SUGCT: variants seen among roughly 807,000 people sequenced by gnomAD.
The protein encoded by SUGCT is succinyl-CoA:glutarate CoA-transferase.
SUGCT carries 41 observed loss-of-function variants against 55.0 expected under a neutral mutation model. That is an observed-to-expected ratio of 0.74 (90% CI 0.58 to 0.97). The LOEUF (loss-of-function observed/expected upper bound fraction) is 0.97, where lower values mean the gene tolerates loss of function less well. SUGCT is among the 50% of genes least tolerant of loss of function. SUGCT has a pLI of 0.00. For missense variants in SUGCT, 568 were observed against 547.8 expected (o/e 1.04, Z -0.37); for synonymous variants, 187 against 200.4 (o/e 0.93, Z 0.56).
intron 13 of SUGCT, among the ~76,000 whole-genome samples, chr7:40,804,425 C>A (rs1343502938): frequency 6.6e-6 from 1 of 152,032 alleles, no homozygotes; most frequent in African/African-American, 2.4e-5. Flanking sequence ...TAATAAATAT[C>A]TCTTAGATAA....
chr7:40,900,776 G>A, the SUGCT span, among the ~76,000 whole-genome samples: 1 of 152,254 alleles, frequency 6.6e-6, no homozygotes, highest in African/African-American at 2.4e-5. Context: ...AGTAAGGACT[G>A]CTGGGCTGCA....
chr7:40,668,197 A>G (rs978217855), intron 12 of SUGCT, among the ~76,000 whole-genome samples: 1 of 152,178 alleles, frequency 6.6e-6, no homozygotes, highest in African/African-American at 2.4e-5. Flanking sequence ...GTCCTTTCAC[A>G]TCTTAGAATG....
intron 9 of SUGCT, among the ~76,000 whole-genome samples, chr7:40,344,037 A>T (rs945561724): frequency 6.6e-6 from 1 of 152,186 alleles, no homozygotes; most frequent in African/African-American, 2.4e-5. Context: ...GATATTCAAC[A>T]TACTTTTGTA....
chr7:40,812,038 A>G (rs1398835362), intron 13 of SUGCT, among the ~76,000 whole-genome samples: 5 of 152,044 alleles, frequency 3.3e-5, no homozygotes, highest in South Asian at 2.1e-4. Flanking sequence ...TTTTGATTTT[A>G]TGTTTATGTG....
chr7:40,247,692 T>C (rs140731588), intron 7 of SUGCT, among the ~76,000 whole-genome samples: 2 of 152,342 alleles, frequency 1.3e-5, no homozygotes, highest in East Asian at 3.9e-4. Context: ...AACTATAGGT[T>C]CCGGCCTTTC....
intron 12 of SUGCT, among the ~76,000 whole-genome samples, chr7:40,534,715 G>A (rs1001036816): frequency 1.3e-5 from 2 of 152,190 alleles, no homozygotes; most frequent in East Asian, 3.9e-4. Context: ...CACTGCGCCC[G>A]GCCTAAAATT....
At chr7:40,805,610 G>C (rs1239646355) in intron 13 of SUGCT, among the ~76,000 whole-genome samples, 1 of 152,186 alleles carries the variant, frequency 6.6e-6, no homozygotes, top group East Asian at 1.9e-4. Flanking sequence ...AGCATTTGCT[G>C]TTTCACTGTC....
the SUGCT span, among the ~76,000 whole-genome samples, chr7:40,946,004 C>G: frequency 6.6e-6 from 1 of 152,030 alleles, no homozygotes; most frequent in Non-Finnish European, 1.5e-5. Flanking sequence ...AGAGTGTTGG[C>G]TTTTTCAAAT....
chr7:40,320,513 G>C (rs1352038864), intron 9 of SUGCT, among the ~76,000 whole-genome samples: 1 of 152,180 alleles, frequency 6.6e-6, no homozygotes, highest in Non-Finnish European at 1.5e-5. Context: ...TCTCCAAAAA[G>C]AATATATTTT....
intron 7 of SUGCT, among the ~76,000 whole-genome samples, chr7:40,253,471 G>T (rs950129344): frequency 1.3e-5 from 2 of 152,196 alleles, no homozygotes; most frequent in Non-Finnish European, 2.9e-5. Context: ...CTTTATGAAG[G>T]CACGGACTGG....
intron 11 of SUGCT, among the ~76,000 whole-genome samples, chr7:40,492,137 A>G (rs2151510690): frequency 6.6e-6 from 1 of 152,278 alleles, no homozygotes. Flanking sequence ...GGATTTGACA[A>G]ATGATCACTG....
intron 9 of SUGCT, among the ~76,000 whole-genome samples, chr7:40,414,829 G>C (rs1275558036): frequency 6.6e-6 from 1 of 152,034 alleles, no homozygotes; most frequent in South Asian, 2.1e-4. Context: ...AATCACCTGA[G>C]GTCAAGAGTT....
the SUGCT span, among the ~76,000 whole-genome samples, chr7:40,949,996 GT>G: frequency 1.3e-5 from 2 of 152,190 alleles, no homozygotes; most frequent in South Asian, 4.1e-4. Flanking sequence ...TGTGAAGAAA[GT>G]AATTGGTAGC....
chr7:40,244,073 T>TGA (rs553627179), intron 7 of SUGCT, among the ~76,000 whole-genome samples: 35 of 152,332 alleles, frequency 2.3e-4, no homozygotes, highest in African/African-American at 8.2e-4. Flanking sequence ...CTTGGGAGGC[T>TGA]GAGGCAAGAG....
chr7:40,145,174 T>G (rs1432099761), intron 1 of SUGCT, among the ~76,000 whole-genome samples: 2 of 152,202 alleles, frequency 1.3e-5, no homozygotes, highest in African/African-American at 4.8e-5. Context: ...ACAAAAAATT[T>G]TTTTAACCTT....
At chr7:40,890,893 G>A in the SUGCT span, among the ~76,000 whole-genome samples, 713 of 152,224 alleles carry the variant, frequency 4.7e-3, 7 homozygotes, top group African/African-American at 0.016. Context: ...AGATACAAAT[G>A]AATACTGATG....
In SUGCT at chr7:40,860,762, A is replaced by AT. The variant is rs1412128409; in HGVS notation, c.*283_*284insT. On this transcript the variant is annotated 3_prime_UTR_variant, in exon 14 of 14. Transcript: ENST00000335693. Reference sequence around the variant, plus strand: ...AAAGTTTTAATTTTTTTCCTGGAAAAATGCACTCCTTATTCTACTTACATT... The same window carrying AT: ...AAAGTTTTAATTTTTTTCCTGGAAAATATGCACTCCTTATTCTACTTACATT... 7.5e-6 allele frequency: 2 copies of AT among 266,652 alleles called. No individual in the cohort carries two copies. Among genetic ancestry groups the AT allele is most frequent in the African/African-American group, 4.4e-5 (2 of 45,438 alleles). The allele number at this position is 266,652 out of a possible 1,614,324, so 16.5% of individuals were successfully genotyped here. A position where few individuals can be genotyped will look rare whatever the true frequency, so the allele number is the denominator to read the frequency against.
chr7:40,370,715 G>A (rs1003769998), intron 9 of SUGCT, among the ~76,000 whole-genome samples: 1 of 151,582 alleles, frequency 6.6e-6, no homozygotes, highest in African/African-American at 2.4e-5. Flanking sequence ...AGATTTGGGA[G>A]GATTTCCTTT....
intron 8 of SUGCT, among the ~76,000 whole-genome samples, chr7:40,282,534 A>T (rs1386687333): frequency 3.3e-5 from 5 of 152,072 alleles, no homozygotes; most frequent in African/African-American, 1.2e-4. Flanking sequence ...CCAACTGGAT[A>T]TTCAGATGCA....
Sources: gnomAD v4.1 joint callset for allele counts (sites outside exome capture counted in the v4.1 genomes callset) on GRCh38, gnomAD v4.1.1 for gene constraint, MANE v1.5 for transcripts, NCBI Gene and HGNC (gene_info 2026-07-23, HGNC 2026-07-21) for gene names.